The following MYO16 variants were observed in gnomAD, a reference collection of about 807,000 sequenced individuals.
The protein encoded by MYO16 is myosin XVI, also known as unconventional myosin-XVI.
In MYO16, 94 loss-of-function variants were observed where a neutral mutation model predicts 205.3. The observed-to-expected ratio is 0.46, with a 90% CI of 0.39 to 0.54. The LOEUF is 0.54. Ranked by LOEUF, MYO16 falls within the 20% of genes least tolerant of loss-of-function variation. The probability of loss-of-function intolerance (pLI) is 0.00; values close to 1 mark genes in which losing one functional copy is unlikely to be tolerated. For missense variants in MYO16, 2,315 were observed against 2,387.5 expected (o/e 0.97, Z 0.63); for synonymous variants, 988 against 954.0 (o/e 1.04, Z -0.66).
chr13:108,645,186 T>G (rs1196474087), intron 1 of MYO16, among the ~76,000 whole-genome samples: 6 of 152,200 alleles, frequency 3.9e-5, no homozygotes, highest in Non-Finnish European at 8.8e-5. Flanking sequence ...GATCATATAA[T>G]AAAGCTGGTT....
chr13:109,068,293 C>T (rs34374534), intron 27 of MYO16, among the ~76,000 whole-genome samples: 12,835 of 152,212 alleles, frequency 0.084, 589 homozygotes, highest in African/African-American at 0.11. Flanking sequence ...CCTAGATTAA[C>T]GATTAAATTA....
chr13:108,852,998 A>G (rs987396004), intron 10 of MYO16, among the ~76,000 whole-genome samples: 6 of 152,240 alleles, frequency 3.9e-5, no homozygotes, highest in African/African-American at 1.4e-4. Context: ...GCATTTTCTA[A>G]CATTTGAAGT....
intron 1 of MYO16, among the ~76,000 whole-genome samples, chr13:108,639,438 T>C (rs958043349): frequency 2.0e-5 from 3 of 152,184 alleles, no homozygotes; most frequent in Non-Finnish European, 4.4e-5. Context: ...GTGCCCTTCA[T>C]TGGGATCTCC....
rs145391028 is a variant in MYO16, at chr13:109,063,693, C to T, written c.3335+8098C>T. On this transcript the variant is annotated intron_variant, in intron 27 of 34. Transcript: ENST00000457511. Reference sequence around the variant, plus strand: ...AGCAGCCCACCCCAACTAAAACAGCCGTGTTTGTGTGTTCATTTGGTGTCA... The same window carrying T: ...AGCAGCCCACCCCAACTAAAACAGCTGTGTTTGTGTGTTCATTTGGTGTCA... 8.0e-3 allele frequency among the ~76,000 whole-genome samples: 1,225 copies of T among 152,200 alleles called. 14 individuals are homozygous for T. The highest frequency in any genetic ancestry group is 0.027 in the African/African-American group (1,136 of 41,526).
intron 20 of MYO16, among the ~76,000 whole-genome samples, chr13:108,966,296 C>A (rs1334621890): frequency 6.6e-6 from 1 of 152,040 alleles, no homozygotes; most frequent in Non-Finnish European, 1.5e-5. Context: ...ACCAAATTAG[C>A]TATGTATAAA....
chr13:108,843,731 C>A (rs1429918448), intron 9 of MYO16, among the ~76,000 whole-genome samples: 1 of 151,880 alleles, frequency 6.6e-6, no homozygotes, highest in African/African-American at 2.4e-5. Flanking sequence ...AAAATAATGG[C>A]TGTATTTTGG....
At chr13:109,086,043 A>G (rs1450013969) in intron 27 of MYO16, among the ~76,000 whole-genome samples, 2 of 152,230 alleles carry the variant, frequency 1.3e-5, no homozygotes, top group East Asian at 1.9e-4. Context: ...GTTCAAATGA[A>G]AAATAGATTT....
At chr13:109,198,883 C>T (rs973971956) in intron 34 of MYO16, among the ~76,000 whole-genome samples, 1 of 152,188 alleles carries the variant, frequency 6.6e-6, no homozygotes, top group Non-Finnish European at 1.5e-5. Flanking sequence ...TAGTTGGGTT[C>T]CATCCCAGGC....
chr13:108,705,169 G>T (rs924479029), intron 2 of MYO16, among the ~76,000 whole-genome samples: 3 of 152,170 alleles, frequency 2.0e-5, no homozygotes, highest in South Asian at 2.1e-4. Flanking sequence ...GAAACCCTGT[G>T]CCATCTCACT....
chr13:108,884,601 C>A (rs1443375417), intron 13 of MYO16, among the ~76,000 whole-genome samples: 1 of 152,070 alleles, frequency 6.6e-6, no homozygotes, highest in African/African-American at 2.4e-5. Flanking sequence ...CTCACCCATT[C>A]TAGACACAAG....
chr13:108,855,056 G>C (rs1878095497), intron 10 of MYO16, among the ~76,000 whole-genome samples: 1 of 152,128 alleles, frequency 6.6e-6, no homozygotes. Context: ...TTAGCTTAGG[G>C]AACACTACGG....
At chr13:109,170,320 G>C (rs1285647270) in intron 33 of MYO16, among the ~76,000 whole-genome samples, 1 of 152,092 alleles carries the variant, frequency 6.6e-6, no homozygotes, top group Non-Finnish European at 1.5e-5. Flanking sequence ...AAATGTAACT[G>C]AAGACTCCAG....
intron 15 of MYO16, among the ~76,000 whole-genome samples, chr13:108,909,255 G>A (rs1881148747): frequency 6.6e-6 from 1 of 151,034 alleles, no homozygotes; most frequent in Non-Finnish European, 1.5e-5. Context: ...TCAACACCTT[G>A]TATTTATGCA....
chr13:109,050,758 A>G (rs1887221899), intron 24 of MYO16, among the ~76,000 whole-genome samples: 1 of 152,158 alleles, frequency 6.6e-6, no homozygotes, highest in Non-Finnish European at 1.5e-5. Context: ...TATTCAATGA[A>G]TAATGATTAA....
chr13:108,928,899 T>G (rs1409857675), intron 16 of MYO16, among the ~76,000 whole-genome samples: 2 of 152,210 alleles, frequency 1.3e-5, no homozygotes, highest in Non-Finnish European at 2.9e-5. Context: ...GGATTATAGC[T>G]TAATAAATTT....
At chr13:108,585,755 C>G in the MYO16 span, among the ~76,000 whole-genome samples, 1 of 152,004 alleles carries the variant, frequency 6.6e-6, no homozygotes, top group African/African-American at 2.4e-5. Context: ...CAAATGAAAC[C>G]CATCTGATGA....
At chr13:109,017,458 T>A (rs1247514981) in intron 22 of MYO16, among the ~76,000 whole-genome samples, 1 of 152,206 alleles carries the variant, frequency 6.6e-6, no homozygotes, top group African/African-American at 2.4e-5. Flanking sequence ...GTTGCTTTTC[T>A]TGAGGAGTAT....
Position 109,141,423 on chromosome 13 carries a change from C to T in MYO16, c.5164+47C>T, listed in dbSNP as rs753687822. 147 of 1,240,464 alleles carry T rather than the reference C, an allele frequency of 1.2e-4. No individual in the cohort carries two copies. Among genetic ancestry groups the T allele is most frequent in the Non-Finnish European group, 1.6e-4 (146 of 927,224 alleles). The allele number at this position is 1,240,464 out of a possible 1,614,324, so 76.8% of individuals were successfully genotyped here. A position where few individuals can be genotyped will look rare whatever the true frequency, so the allele number is the denominator to read the frequency against. ...CCACTCCTTTTGCATGGACGCTGTG[C>T]TTGCGTGCACCTGTGTACATCCGTG... On this transcript the variant is annotated intron_variant, in intron 32 of 34. Coordinates refer to ENST00000457511, the MANE Select transcript of MYO16 (RefSeq NM_001198950.3). The surrounding 1 kb of genome is among the most constrained non-coding windows in gnomAD (Gnocchi z 4.1).
chr13:108,906,047 TTTC>T (rs796965389), intron 15 of MYO16, among the ~76,000 whole-genome samples: 3 of 152,340 alleles, frequency 2.0e-5, no homozygotes, highest in African/African-American at 7.2e-5. Flanking sequence ...CATGCCTCAT[TTTC>T]TTCTTCTGTC....
Sources: gnomAD v4.1 joint callset for allele counts (sites outside exome capture counted in the v4.1 genomes callset) on GRCh38, gnomAD v4.1.1 for gene constraint, Gnocchi (gnomAD v3.1) non-coding constraint, MANE v1.5 for transcripts, NCBI Gene and HGNC (gene_info 2026-07-23, HGNC 2026-07-21) for gene names.